Variants in B3GLCT observed in about 807,000 individuals in gnomAD.
The protein encoded by B3GLCT is beta 3-glucosyltransferase.
B3GLCT carries 65 observed loss-of-function variants against 63.4 expected under a neutral mutation model. The observed-to-expected ratio is 1.03, with a 90% CI of 0.84 to 1.26. The LOEUF is 1.26. Ranked by LOEUF, B3GLCT falls within the 50% of genes most tolerant of loss-of-function variation. The pLI, the probability that B3GLCT is intolerant of heterozygous loss-of-function variation, is 0.00. For synonymous variants in B3GLCT, 233 were observed against 219.2 expected, an observed-to-expected ratio of 1.06 and a Z score of -0.55; for missense variants, 577 against 604.8, an observed-to-expected ratio of 0.95 and a Z score of 0.48.
intron 7 of B3GLCT, 39 bp downstream of exon 7, chr13:31,261,121 G>C: frequency 6.3e-7 from 1 of 1,580,472 alleles, no homozygotes; most frequent in Non-Finnish European, 8.6e-7. Flanking sequence ...GGCGGGAGGG[G>C]TGTGCATCAA....
chr13:31,253,618 A>AAAAAAAAAAAAAAAC lies in B3GLCT; in HGVS notation c.459+5655_459+5656insAAAAAAAAAAACAAA, dbSNP rs1555249042. ...CTCAAAAAAAAAAAAAAAAAAAAAA[A>AAAAAAAAAAAAAAAC]AAACTAGAGAAGCAAGAGCAAGCAA... On this transcript the variant is annotated intron_variant, in intron 6 of 14. Coordinates refer to ENST00000343307, the MANE Select transcript of B3GLCT (RefSeq NM_194318.4). Among the ~76,000 whole-genome samples, 2 of 82,266 alleles carry AAAAAAAAAAAAAAAC rather than the reference A, an allele frequency of 2.4e-5. 1 individual carries two copies. The highest frequency in any genetic ancestry group is 9.8e-5 in the African/African-American group (2 of 20,402). 54.0% of individuals were successfully genotyped at this position (82,266 alleles called of 152,430 possible).
rs934889398 is a variant in B3GLCT at position 31,319,052 on chromosome 13, C to T, written c.1184+1367C>T. 2.6e-5 allele frequency among the ~76,000 whole-genome samples: 4 copies of T among 152,146 alleles called. No homozygotes were observed. In the South Asian group the frequency reaches 8.3e-4, roughly 31 times the overall value. The stretch of plus-strand genomic sequence containing the variant: ...TTGGTTGTTTATTCGTTCAACTGGC[C>T]TTGTGTGGGCCAGGCACAGGGAATG... On this transcript the variant is annotated intron_variant, in intron 13 of 14. Transcript: ENST00000343307.
At chr13:31,226,084 T>C (rs1245003621) in intron 3 of B3GLCT, among the ~76,000 whole-genome samples, 1 of 152,190 alleles carries the variant, frequency 6.6e-6, no homozygotes, top group Non-Finnish European at 1.5e-5. Flanking sequence ...TCTGTGTGTG[T>C]GTCTGCTGCT....
intron 10 of B3GLCT, among the ~76,000 whole-genome samples, chr13:31,278,838 T>C (rs1872920171): frequency 1.3e-5 from 2 of 152,238 alleles, no homozygotes; most frequent in Admixed American, 1.3e-4. Context: ...TTCTATTACC[T>C]AGTTTCATGT....
At chr13:31,223,473 G>T (rs934005447) in intron 3 of B3GLCT, among the ~76,000 whole-genome samples, 2 of 152,162 alleles carry the variant, frequency 1.3e-5, no homozygotes, top group African/African-American at 2.4e-5. Flanking sequence ...TGCCAAACTT[G>T]TCCCGAGCAT....
intron 3 of B3GLCT, among the ~76,000 whole-genome samples, chr13:31,223,862 CAG>C (rs563303463): frequency 2.4e-4 from 37 of 152,278 alleles, no homozygotes; most frequent in African/African-American, 8.4e-4. Flanking sequence ...CCTTCAGACA[CAG>C]GGGGTTGGCT....
At chr13:31,272,619 T>C (rs1441103061) in intron 8 of B3GLCT, among the ~76,000 whole-genome samples, 1 of 152,200 alleles carries the variant, frequency 6.6e-6, no homozygotes, top group African/African-American at 2.4e-5. Flanking sequence ...GTCTGTACTT[T>C]ACTGATTATT....
chr13:31,312,670 A>G (rs1260520055), intron 12 of B3GLCT: 1 of 152,240 alleles, frequency 6.6e-6, no homozygotes, highest in East Asian at 1.9e-4. Flanking sequence ...TGCTTCAATA[A>G]GAAGTCGCAG....
intron 1 of B3GLCT, among the ~76,000 whole-genome samples, chr13:31,210,015 A>C (rs1869175987): frequency 6.6e-6 from 1 of 152,188 alleles, no homozygotes; most frequent in African/African-American, 2.4e-5. Flanking sequence ...AGTGCTGCTT[A>C]AATGTGTTGC....
chr13:31,261,807 C>G (rs760654882), intron 7 of B3GLCT, among the ~76,000 whole-genome samples: 11 of 152,132 alleles, frequency 7.2e-5, no homozygotes, highest in Non-Finnish European at 1.5e-4. Context: ...ATCTTATTAG[C>G]CCATTGTAGA....
chr13:31,213,621 A>ACCCCCCCCC (rs71099943), intron 1 of B3GLCT, among the ~76,000 whole-genome samples: 7 of 55,014 alleles, frequency 1.3e-4, no homozygotes, highest in African/African-American at 3.1e-4. Flanking sequence ...CCCCCACCCC[A>ACCCCCCCCC]CCCCCCCCCC....
At chr13:31,216,923 T>C (rs1280267185) in intron 2 of B3GLCT, among the ~76,000 whole-genome samples, 1 of 152,238 alleles carries the variant, frequency 6.6e-6, no homozygotes, top group Non-Finnish European at 1.5e-5. Flanking sequence ...TGTGTGCATG[T>C]GTCTTTATGG....
chr13:31,206,584 CAAAAA>C (rs11322955), intron 1 of B3GLCT, among the ~76,000 whole-genome samples: 2 of 118,748 alleles, frequency 1.7e-5, no homozygotes, highest in Non-Finnish European at 3.5e-5. Flanking sequence ...ACTAAAAATG[CAAAAA>C]AAAAAAAAAA....
intron 10 of B3GLCT, among the ~76,000 whole-genome samples, chr13:31,282,025 G>A (rs1873093599): frequency 6.6e-6 from 1 of 152,142 alleles, no homozygotes; most frequent in Non-Finnish European, 1.5e-5. Context: ...TTTGCTCCAA[G>A]TTTAAGTTAT....
chr13:31,232,235 T>A (rs1266496676), intron 4 of B3GLCT, among the ~76,000 whole-genome samples: 1 of 152,176 alleles, frequency 6.6e-6, no homozygotes, highest in East Asian at 1.9e-4. Flanking sequence ...TTAGTCCATC[T>A]TTGCATCGCT....
chr13:31,209,789 G>T (rs559264136), intron 1 of B3GLCT, among the ~76,000 whole-genome samples: 1 of 152,332 alleles, frequency 6.6e-6, no homozygotes, highest in East Asian at 1.9e-4. Flanking sequence ...GTTCCTGCCA[G>T]CGCCCTCTGA....
rs1435817944 is a variant in B3GLCT at position 31,323,797 on chromosome 13, T to C, written c.1231T>C (p.Cys411Arg). Residue 411 changes from cysteine (C) to arginine (R), a missense_variant, in exon 14 of 15, where the codon TGT becomes CGT. Cys to Arg is a radical substitution (Grantham distance 180). Coordinates refer to ENST00000343307, the MANE Select transcript of B3GLCT (RefSeq NM_194318.4). ...EAVRRLLASK[C>R]RCYSNDAPDD... ...CGTCAGGAGACTTCTCGCCAGTAAATGTCGATGCTACAGCAATGATGCTCC... is the reference window on the plus strand; with the variant it reads ...CGTCAGGAGACTTCTCGCCAGTAAACGTCGATGCTACAGCAATGATGCTCC... The C allele has an allele frequency of 1.9e-6, 3 of 1,614,130 alleles. No homozygotes were observed. Among genetic ancestry groups the C allele is most frequent in the Admixed American group, 3.3e-5 (2 of 60,016 alleles).
At chr13:31,201,245 C>G (rs1480228308) in intron 1 of B3GLCT, among the ~76,000 whole-genome samples, 1 of 152,140 alleles carries the variant, frequency 6.6e-6, no homozygotes, top group Non-Finnish European at 1.5e-5. Context: ...CCACCGGAAC[C>G]TTGACAGCCT....
chr13:31,293,641 T>A (rs1873791551), intron 12 of B3GLCT, among the ~76,000 whole-genome samples: 1 of 152,210 alleles, frequency 6.6e-6, no homozygotes, highest in Admixed American at 6.5e-5. Flanking sequence ...TCTCTTTTTT[T>A]GCTTTCCATT....
Sources: gnomAD v4.1 joint callset for allele counts (sites outside exome capture counted in the v4.1 genomes callset) on GRCh38, gnomAD v4.1.1 for gene constraint, MANE v1.5 for transcripts, NCBI Gene and HGNC (gene_info 2026-07-23, HGNC 2026-07-21) for gene names.